Variants in RRM2B observed in about 807,000 individuals in gnomAD.
RRM2B encodes ribonucleotide reductase regulatory TP53 inducible subunit M2B, also known as ribonucleoside-diphosphate reductase subunit M2 B.
RRM2B carries 20 observed loss-of-function variants against 45.9 expected under a neutral mutation model. The ratio of observed to expected loss-of-function variants is 0.44; its 90% CI spans 0.31 to 0.63. The LOEUF is 0.63. RRM2B is among the 30% of genes least tolerant of loss of function. The pLI is 0.09. For synonymous variants in RRM2B, 124 were observed against 132.3 expected (o/e 0.94, Z 0.43); for missense variants, 320 against 414.7 (o/e 0.77, Z 1.98).
At chr8:102,215,811 G>T (rs1385656137) in intron 6 of RRM2B, among the ~76,000 whole-genome samples, 1 of 151,810 alleles carries the variant, frequency 6.6e-6, no homozygotes, top group Non-Finnish European at 1.5e-5. Context: ...GGATGTGGTG[G>T]TACATGCATG....
chr8:102,227,376 C>A (rs1447616542), intron 2 of RRM2B, among the ~76,000 whole-genome samples: 2 of 152,034 alleles, frequency 1.3e-5, no homozygotes, highest in African/African-American at 4.8e-5. Context: ...CAGCTCACTA[C>A]AGTCTCTGCC....
intron 8 of RRM2B, among the ~76,000 whole-genome samples, chr8:102,212,538 T>A (rs1045613132): frequency 6.6e-6 from 1 of 152,176 alleles, no homozygotes; most frequent in Non-Finnish European, 1.5e-5. Flanking sequence ...CAGCTACAAT[T>A]ATTGCAAAAT....
At chr8:102,222,080 ATT>A (rs5893602) in intron 5 of RRM2B, among the ~76,000 whole-genome samples, 4 of 143,318 alleles carry the variant, frequency 2.8e-5, no homozygotes, top group Non-Finnish European at 4.6e-5. Flanking sequence ...TCCTATTTAA[ATT>A]TTTTTTTTTT....
chr8:102,230,926 A>G (rs761473918), intron 2 of RRM2B, among the ~76,000 whole-genome samples: 1 of 152,236 alleles, frequency 6.6e-6, no homozygotes, highest in East Asian at 1.9e-4. Flanking sequence ...TCCCAGTTCC[A>G]TAGCTAGTAA....
intron 6 of RRM2B, chr8:102,214,411 C>A: frequency 2.3e-6 from 1 of 430,190 alleles, no homozygotes; most frequent in South Asian, 2.2e-5. Context: ...AATTTATGAA[C>A]AAACAAAATC....
At position 102,208,109 on chromosome 8, in the gene RRM2B, TAG is replaced by T; in HGVS notation, c.*22_*23del. On this transcript the variant is annotated 3_prime_UTR_variant, in exon 9 of 9. Transcript: ENST00000251810. ...CTACTATTTACCAATGACAAGTTTA[TAG>T]AGTTTTAAAACGAGAGGTTTTTTAA... 6.3e-7 allele frequency: 1 copy of T among 1,598,734 alleles called. No individual in the cohort carries two copies.
chr8:102,214,517 T>C, intron 6 of RRM2B: 1 of 264,906 alleles, frequency 3.8e-6, no homozygotes, highest in Non-Finnish European at 7.6e-6. Flanking sequence ...AAGGAATGAT[T>C]GAAAAATAAT....
chr8:102,208,068 A>G lies in RRM2B; in HGVS notation c.*65T>C. 1 of 1,427,916 alleles carries G rather than the reference A, an allele frequency of 7.0e-7. No individual in the cohort carries two copies. The highest frequency in any genetic ancestry group is 1.2e-5 in the South Asian group (1 of 82,232). The allele number at this position is 1,427,916 out of a possible 1,614,324, so 88.5% of individuals were successfully genotyped here. A position where few individuals can be genotyped will look rare whatever the true frequency, so the allele number is the denominator to read the frequency against. On this transcript the variant is annotated 3_prime_UTR_variant, in exon 9 of 9. Coordinates refer to ENST00000251810, the MANE Select transcript of RRM2B (RefSeq NM_015713.5). Reference sequence around the variant, plus strand: ...AAGGATATACTTAAAATTTTTTTTAAGCAGAGGAAAATAGACTACTATTTA... The same window carrying G: ...AAGGATATACTTAAAATTTTTTTTAGGCAGAGGAAAATAGACTACTATTTA...
At position 102,206,652 on chromosome 8, in the gene RRM2B, C is replaced by G. The variant is rs1448647722; in HGVS notation, c.*1481G>C. 2.0e-5 allele frequency: 3 copies of G among 152,030 alleles called. No homozygotes were observed. The highest frequency in any genetic ancestry group is 4.4e-5 in the Non-Finnish European group (3 of 67,978). 9.4% of individuals were successfully genotyped at this position (152,030 alleles called of 1,614,324 possible). On this transcript the variant is annotated 3_prime_UTR_variant, in exon 9 of 9. Coordinates refer to ENST00000251810, the MANE Select transcript of RRM2B (RefSeq NM_015713.5). Reference sequence around the variant, plus strand: ...ACTGCTTGAAGGGGTATACAGAATACCAAATAATAATGTATTAAAAATTCA... The same window carrying G: ...ACTGCTTGAAGGGGTATACAGAATAGCAAATAATAATGTATTAAAAATTCA...
rs1233119923 is a variant in RRM2B at position 102,207,201 on chromosome 8, AAAG to A, written c.*929_*931del. The stretch of plus-strand genomic sequence containing the variant: ...CTTTGATGTACTGACTGTACTTGCT[AAAG>A]AAGAATGAAGTGTTCAGCATTTCCC... On this transcript the variant is annotated 3_prime_UTR_variant, in exon 9 of 9. Coordinates refer to ENST00000251810, the MANE Select transcript of RRM2B (RefSeq NM_015713.5). The A allele has an allele frequency of 3.3e-5, 5 of 152,198 alleles. No homozygotes were observed. Among genetic ancestry groups the A allele is most frequent in the South Asian group, 2.1e-4 (1 of 4,832 alleles). The allele number at this position is 152,198 out of a possible 1,614,324, so 9.4% of individuals were successfully genotyped here. A position where few individuals can be genotyped will look rare whatever the true frequency, so the allele number is the denominator to read the frequency against.
In RRM2B at chr8:102,238,432, G is replaced by A. The variant is rs1465396539; in HGVS notation, c.48+395C>T. On this transcript the variant is annotated intron_variant, in intron 1 of 8. Transcript: ENST00000251810. ...CCAACTCCTTGTCACCATCCCAAAT[G>A]GTATGCACCTCTCCAGCAGAGCCGC... is the stretch of plus-strand genomic sequence containing the variant. 3.9e-6 allele frequency: 3 copies of A among 768,676 alleles called. No homozygotes were observed. In the African/African-American group the frequency reaches 5.4e-5, roughly 14 times the overall value. The allele number at this position is 768,676 out of a possible 1,614,324, so 47.6% of individuals were successfully genotyped here. A position where few individuals can be genotyped will look rare whatever the true frequency, so the allele number is the denominator to read the frequency against.
intron 6 of RRM2B, among the ~76,000 whole-genome samples, chr8:102,218,262 T>C (rs1396668379): frequency 6.6e-6 from 1 of 152,028 alleles, no homozygotes; most frequent in Non-Finnish European, 1.5e-5. Context: ...GCAAGGCCAG[T>C]GCGGGAACCT....
At chr8:102,218,757 A>T in intron 6 of RRM2B, 57 bp downstream of exon 6, 2 of 1,430,400 alleles carry the variant, frequency 1.4e-6, no homozygotes, top group Non-Finnish European at 1.9e-6. Context: ...GAAAAGAAAA[A>T]TAGATGAACA....
At chr8:102,233,451 T>C (rs797009267) in intron 1 of RRM2B, among the ~76,000 whole-genome samples, 23 of 152,356 alleles carry the variant, frequency 1.5e-4, no homozygotes, top group African/African-American at 4.8e-4. Context: ...TTTGTTGTGA[T>C]GTTCCCAGAG....
At chr8:102,223,282 T>A (rs1810866297) in intron 5 of RRM2B, among the ~76,000 whole-genome samples, 1 of 152,232 alleles carries the variant, frequency 6.6e-6, no homozygotes, top group Non-Finnish European at 1.5e-5. Context: ...AGCTTACCTA[T>A]GAAAAATAAG....
intron 2 of RRM2B, among the ~76,000 whole-genome samples, chr8:102,226,915 C>T (rs1471350945): frequency 6.6e-6 from 1 of 152,088 alleles, no homozygotes; most frequent in Non-Finnish European, 1.5e-5. Flanking sequence ...GGAGTTTCAC[C>T]ATGTTGGCCA....
At chr8:102,221,527 C>A (rs1351776667) in intron 5 of RRM2B, among the ~76,000 whole-genome samples, 1 of 152,146 alleles carries the variant, frequency 6.6e-6, no homozygotes, top group Non-Finnish European at 1.5e-5. Context: ...TTTAGCTCCA[C>A]TCCCAAAAAG....
rs1309674372 is a variant in RRM2B at position 102,224,979 on chromosome 8, G to T, written c.361C>A (p.Arg121Ser). 1 of 1,613,970 alleles carries T rather than the reference G, an allele frequency of 6.2e-7. No homozygotes were observed. Among genetic ancestry groups the T allele is most frequent in the Non-Finnish European group, 8.5e-7 (1 of 1,179,986 alleles). Residue 121 changes from arginine to serine, a missense_variant, in exon 4 of 9, where the codon CGC becomes AGC. By Grantham distance (110) the Arg-to-Ser change is moderately radical (BLOSUM62 -1). Transcript: ENST00000251810. ...AGAATTTGAAAGCCATAGAAACAGC[G>T]AGCCTCTGGAACCTGCACCTCCTGA... is the stretch of plus-strand genomic sequence containing the variant. ...FSQEVQVPEA[R>S]CFYGFQILIE...
At chr8:102,228,325 CA>C (rs1323034860) in intron 2 of RRM2B, among the ~76,000 whole-genome samples, 1 of 152,230 alleles carries the variant, frequency 6.6e-6, no homozygotes, top group African/African-American at 2.4e-5. Context: ...ATCCCCTTTC[CA>C]GCTCCTCTTC....
Sources: allele counts gnomAD v4.1 joint callset (sites outside exome capture counted in the v4.1 genomes callset), GRCh38; gene constraint gnomAD v4.1.1; transcripts MANE v1.5; gene names NCBI Gene and HGNC (gene_info 2026-07-23, HGNC 2026-07-21).